The following MEGF9 variants were observed in gnomAD, a reference collection of about 807,000 sequenced individuals.
MEGF9 encodes multiple epidermal growth factor-like domains protein 9.
MEGF9 carries 6 observed loss-of-function variants against 46.8 expected under a neutral mutation model. That is an observed-to-expected ratio of 0.13 (90% CI 0.07 to 0.25). The LOEUF is 0.25. Ranked by LOEUF, MEGF9 falls within the 10% of genes least tolerant of loss-of-function variation. MEGF9 has a pLI of 1.00. For missense variants in MEGF9, 683 were observed against 792.4 expected (o/e 0.86, Z 1.66); for synonymous variants, 302 against 330.7 (o/e 0.91, Z 0.94).
intron 2 of MEGF9, among the ~76,000 whole-genome samples, chr9:120,644,699 C>T (rs1166269099): frequency 6.6e-6 from 1 of 152,144 alleles, no homozygotes; most frequent in South Asian, 2.1e-4. Flanking sequence ...TTTATCCTTA[C>T]AAGACAGTAA....
intron 1 of MEGF9, among the ~76,000 whole-genome samples, chr9:120,672,206 C>T (rs928535493): frequency 3.3e-5 from 5 of 152,110 alleles, no homozygotes; most frequent in African/African-American, 1.2e-4. Context: ...AGAATGTCCT[C>T]TCTTGCCACT....
rs2043655748 is a variant in MEGF9, at chr9:120,652,236, A to G, written c.803+7138T>C. Among the ~76,000 whole-genome samples, 3 of 145,328 alleles carry G rather than the reference A, an allele frequency of 2.1e-5. No homozygotes were observed. The South Asian group carries it at 6.6e-4, about 32-fold the overall frequency. ...CATGGTGGCTCCTGCCTGCAATCCC[A>G]GAACTTTGGGAGGCCAAGGCAGATG... On this transcript the variant is annotated intron_variant, in intron 2 of 5. Transcript: ENST00000373930.
chr9:120,686,510 T>C (rs917949617), intron 1 of MEGF9, among the ~76,000 whole-genome samples: 3 of 152,252 alleles, frequency 2.0e-5, no homozygotes, highest in Non-Finnish European at 4.4e-5. Flanking sequence ...GTCAGCTTTA[T>C]ATGTTTTTTA....
chr9:120,613,785 G>A lies in MEGF9; in HGVS notation c.944-1246C>T, dbSNP rs763252858. Among the ~76,000 whole-genome samples, 7 of 152,104 alleles carry A rather than the reference G, an allele frequency of 4.6e-5. No individual in the cohort carries two copies. In the South Asian group the frequency reaches 1.0e-3, roughly 22 times the overall value. ...GAACTACTATTATGGAAATTAGTGA[G>A]TAAATTCTACATAGAAATCTAGGAA... is the stretch of plus-strand genomic sequence containing the variant. On this transcript the variant is annotated intron_variant, in intron 3 of 5. Transcript: ENST00000373930.
At chr9:120,678,676 G>A (rs2043784404) in intron 1 of MEGF9, among the ~76,000 whole-genome samples, 1 of 152,146 alleles carries the variant, frequency 6.6e-6, no homozygotes, top group African/African-American at 2.4e-5. Context: ...GTTTTGCCAT[G>A]TTGGCCATGC....
intron 1 of MEGF9, among the ~76,000 whole-genome samples, chr9:120,679,570 A>G (rs752015660): frequency 6.6e-6 from 1 of 152,042 alleles, no homozygotes; most frequent in African/African-American, 2.4e-5. Flanking sequence ...ACATGTATAC[A>G]TATGTGACAA....
intron 1 of MEGF9, among the ~76,000 whole-genome samples, chr9:120,672,881 G>A (rs1405251972): frequency 6.6e-6 from 1 of 152,078 alleles, no homozygotes; most frequent in African/African-American, 2.4e-5. Flanking sequence ...AAATTAGCCG[G>A]GTGTGGTGGT....
chr9:120,624,669 C>A (rs1211903799), intron 2 of MEGF9, among the ~76,000 whole-genome samples: 1 of 151,970 alleles, frequency 6.6e-6, no homozygotes, highest in East Asian at 1.9e-4. Context: ...AAGTTCAAGA[C>A]CAGTGATCAG....
Position 120,684,049 on chromosome 9 carries a change from C to A in MEGF9, c.602-24474G>T, listed in dbSNP as rs573130593. On this transcript the variant is annotated intron_variant, in intron 1 of 5. Transcript: ENST00000373930. ...GGTATAAAATAAGAAAATAGAGGCA[C>A]AGAGAAATTAATTTTCCCAAGGTCA... Among the ~76,000 whole-genome samples the A allele has an allele frequency of 4.7e-4, 72 of 152,166 alleles. No individual in the cohort carries two copies. In the South Asian group the frequency reaches 7.5e-3, roughly 16 times the overall value.
At chr9:120,668,399 TAAG>T (rs2043734794) in intron 1 of MEGF9, among the ~76,000 whole-genome samples, 1 of 151,946 alleles carries the variant, frequency 6.6e-6, no homozygotes, top group African/African-American at 2.4e-5. Flanking sequence ...AGAAAAGCTT[TAAG>T]TTTTGTTTGA....
chr9:120,620,575 T>G lies in MEGF9; in HGVS notation c.943+2041A>C, dbSNP rs143119687. ...GAGCATATAATAAGGAAATTACCAT[T>G]AAGCCTAGAGCATCAGGAAATGCTT... On this transcript the variant is annotated intron_variant, in intron 3 of 5. Transcript: ENST00000373930. Among the ~76,000 whole-genome samples, 296 of 152,300 alleles carry G rather than the reference T, an allele frequency of 1.9e-3. 1 individual carries two copies. Among genetic ancestry groups the G allele is most frequent in the African/African-American group, 6.8e-3 (282 of 41,576 alleles).
chr9:120,675,193 C>T (rs774073628), intron 1 of MEGF9, among the ~76,000 whole-genome samples: 1 of 152,214 alleles, frequency 6.6e-6, no homozygotes, highest in Non-Finnish European at 1.5e-5. Context: ...TTGGAAATAA[C>T]CCAAATGTCC....
intron 1 of MEGF9, among the ~76,000 whole-genome samples, chr9:120,706,185 T>G (rs905145638): frequency 1.3e-5 from 2 of 152,156 alleles, no homozygotes; most frequent in Non-Finnish European, 2.9e-5. Context: ...AATGCTAAGA[T>G]GAGAAATTAT....
chr9:120,713,548 C>T (rs1020473492), intron 1 of MEGF9, among the ~76,000 whole-genome samples: 1 of 152,192 alleles, frequency 6.6e-6, no homozygotes, highest in Admixed American at 6.5e-5. Context: ...CCACCCCCTC[C>T]CGAGGGAGCA....
intron 2 of MEGF9, among the ~76,000 whole-genome samples, chr9:120,629,842 C>T (rs1209971149): frequency 2.6e-5 from 4 of 151,336 alleles, no homozygotes; most frequent in East Asian, 3.9e-4. Context: ...CTGAGGCAGG[C>T]GAATTGCTTG....
chr9:120,664,505 A>G (rs1220274068), intron 1 of MEGF9, among the ~76,000 whole-genome samples: 1 of 152,232 alleles, frequency 6.6e-6, no homozygotes, highest in Non-Finnish European at 1.5e-5. Context: ...CTATGTCCTC[A>G]GTCATGATGG....
In MEGF9 at chr9:120,672,878, C is replaced by T. The variant is rs531001303; in HGVS notation, c.602-13303G>A. Among the ~76,000 whole-genome samples the T allele has an allele frequency of 2.6e-5, 4 of 152,132 alleles. No individual in the cohort carries two copies. The South Asian group carries it at 8.3e-4, about 32-fold the overall frequency. ...GTCTCTACTAAAAATACAAAATTAG[C>T]CGGGTGTGGTGGTGCATGCCTGTAA... On this transcript the variant is annotated intron_variant, in intron 1 of 5. Transcript: ENST00000373930.
chr9:120,695,382 A>G (rs902641298), intron 1 of MEGF9, among the ~76,000 whole-genome samples: 3 of 151,976 alleles, frequency 2.0e-5, no homozygotes, highest in African/African-American at 7.2e-5. Context: ...AAGGCAGGCA[A>G]ATCACAAGGT....
At chr9:120,711,806 C>T (rs2043954102) in intron 1 of MEGF9, among the ~76,000 whole-genome samples, 1 of 149,894 alleles carries the variant, frequency 6.7e-6, no homozygotes, top group Non-Finnish European at 1.5e-5. Context: ...CCCCAAGTCC[C>T]TACTAGTTTT....
Sources: allele counts gnomAD v4.1 joint callset (sites outside exome capture counted in the v4.1 genomes callset), GRCh38; gene constraint gnomAD v4.1.1; transcripts MANE v1.5; gene names NCBI Gene and HGNC (gene_info 2026-07-23, HGNC 2026-07-21).